CENPO: variants seen among roughly 807,000 people sequenced by gnomAD.
CENPO encodes the protein centromere protein O, also known as centromeric protein O.
A neutral mutation model predicts 36.1 loss-of-function variants in CENPO; 30 were observed. The ratio of observed to expected loss-of-function variants is 0.83; its 90% CI spans 0.62 to 1.13. The LOEUF is 1.13. Among genes scored for constraint, CENPO ranks in the 50% most tolerant of loss-of-function variants. The pLI, the probability that CENPO is intolerant of heterozygous loss-of-function variation, is 0.00. For missense variants in CENPO, 349 were observed against 357.8 expected, an observed-to-expected ratio of 0.98 and a Z score of 0.20; for synonymous variants, 171 against 142.3, an observed-to-expected ratio of 1.20 and a Z score of -1.44.
chr2:24,814,616 TCACTCA>T (rs1165312626), intron 4 of CENPO, 123 bp downstream of exon 4: 11 of 613,344 alleles, frequency 1.8e-5, no homozygotes, highest in Non-Finnish European at 3.2e-5. Flanking sequence ...TCTGCCCTCA[TCACTCA>T]CACACACACA....
At chr2:24,807,919 C>A (rs1035504026) in intron 3 of CENPO, among the ~76,000 whole-genome samples, 3 of 152,206 alleles carry the variant, frequency 2.0e-5, no homozygotes, top group Non-Finnish European at 4.4e-5. Context: ...TGAAAATCTT[C>A]TGTTGCAAAG....
At chr2:24,804,080 G>A (rs1209265019) in intron 3 of CENPO, among the ~76,000 whole-genome samples, 1 of 152,198 alleles carries the variant, frequency 6.6e-6, no homozygotes, top group Non-Finnish European at 1.5e-5. Flanking sequence ...TTACCATTAT[G>A]TAATGGTCTT....
intron 3 of CENPO, among the ~76,000 whole-genome samples, chr2:24,809,263 A>G (rs983866638): frequency 1.3e-5 from 2 of 152,144 alleles, no homozygotes; most frequent in Non-Finnish European, 1.5e-5. Flanking sequence ...GGTGTGTTTT[A>G]TCACTTTTGT....
Position 24,815,732 on chromosome 2 carries a change from G to T in CENPO, c.570G>T (p.Arg190Ser), listed in dbSNP as rs1464985775. The change falls in exon 5 of 8, where the codon AGG (arginine) becomes AGT (serine). Residue 190 changes from arginine (R) to serine (S), a missense_variant. Coordinates refer to ENST00000380834, the MANE Select transcript of CENPO (RefSeq NM_001322101.2). The part of the protein sequence containing the change: ...LCEYLNAYSG[R>S]KYQADRLQSD... ...AGTACCTGAATGCTTACTCTGGGAG[G>T]AAGTACCAGGCAGACCGGCTTCAGG... 1 of 1,614,030 alleles carries T rather than the reference G, an allele frequency of 6.2e-7. No homozygotes were observed. The highest frequency in any genetic ancestry group is 8.5e-7 in the Non-Finnish European group (1 of 1,180,018).
rs146852984 is a variant in CENPO at position 24,801,986 on chromosome 2, G to A, written c.216+2142G>A. Among the ~76,000 whole-genome samples the A allele has an allele frequency of 2.6e-4, 40 of 152,232 alleles. 1 individual carries two copies. In the East Asian group the frequency reaches 3.7e-3, roughly 14 times the overall value. ...ATGGAATGTTCTCCCATTTGTTTGT[G>A]TCCTCTTTTATTTCGTTGATTAGTG... On this transcript the variant is annotated intron_variant, in intron 3 of 7. Coordinates refer to ENST00000380834, the MANE Select transcript of CENPO (RefSeq NM_001322101.2).
chr2:24,801,290 T>G (rs1472265369), intron 3 of CENPO, among the ~76,000 whole-genome samples: 1 of 152,254 alleles, frequency 6.6e-6, no homozygotes, highest in Non-Finnish European at 1.5e-5. Flanking sequence ...CTGTTCACTC[T>G]GATGGTAGTT....
In CENPO at chr2:24,805,972, C is replaced by T. The variant is rs548406387; in HGVS notation, c.216+6128C>T. 2.0e-5 allele frequency among the ~76,000 whole-genome samples: 3 copies of T among 152,344 alleles called. No individual in the cohort carries two copies. In the South Asian group the frequency reaches 6.2e-4, roughly 32 times the overall value. ...CTCCTTGAGCTGCAGTGGGCTCCACCCAGTTCGAGCTTCCAGGCTGCTTTG... is the reference window on the plus strand; with the variant it reads ...CTCCTTGAGCTGCAGTGGGCTCCACTCAGTTCGAGCTTCCAGGCTGCTTTG... On this transcript the variant is annotated intron_variant, in intron 3 of 7. Transcript: ENST00000380834.
rs1667568238 is a variant in CENPO at position 24,820,972 on chromosome 2, A to C, written c.*1654A>C. ...ATGTAACACATCATTGTCCTCATTC[A>C]ACTTGGCTGTATGCTATTGGAGGGT... is the stretch of plus-strand genomic sequence containing the variant. On this transcript the variant is annotated 3_prime_UTR_variant, in exon 8 of 8. Coordinates refer to ENST00000380834, the MANE Select transcript of CENPO (RefSeq NM_001322101.2). The C allele has an allele frequency of 1.4e-6, 2 of 1,398,840 alleles. No individual in the cohort carries two copies. Among genetic ancestry groups the C allele is most frequent in the Non-Finnish European group, 1.9e-6 (2 of 1,026,480 alleles). The allele number at this position is 1,398,840 out of a possible 1,614,324, so 86.7% of individuals were successfully genotyped here.
chr2:24,799,641 G>A (rs1400673738), intron 2 of CENPO, 34 bp from the exon 3 acceptor site: 1 of 1,550,006 alleles, frequency 6.5e-7, no homozygotes, highest in Non-Finnish European at 8.8e-7. Context: ...GAAATCCTCA[G>A]CTTCTTGTAA....
At chr2:24,800,295 G>A (rs1241548626) in intron 3 of CENPO, among the ~76,000 whole-genome samples, 4 of 152,082 alleles carry the variant, frequency 2.6e-5, no homozygotes, top group Non-Finnish European at 5.9e-5. Context: ...ACAAAAATCC[G>A]GTAGAGTTAC....
Position 24,816,760 on chromosome 2 carries a change from T to C in CENPO, c.709T>C (p.Leu237=). The change falls in exon 6 of 8, where the codon TTG becomes CTG. Residue 237 remains leucine, a synonymous_variant. Transcript: ENST00000380834. ...TCAGTCCTTCCCGTTCTGTGCTAGA[T>C]TGCTGTATAAGGACCTCACAGCAAC... ...GGQSFPFCAR[L]LYKDLTATLP... is the part of the protein sequence containing the mutation. 6.2e-7 allele frequency: 1 copy of C among 1,612,152 alleles called. No homozygotes were observed. Among genetic ancestry groups the C allele is most frequent in the Non-Finnish European group, 8.5e-7 (1 of 1,179,262 alleles).
Position 24,816,785 on chromosome 2 carries a change from C to T in CENPO, c.734C>T (p.Thr245Ile). ...ARLLYKDLTA[T>I]LPTDVTVTCQ... ...TTGCTGTATAAGGACCTCACAGCAA[C>T]TCTTCCCACTGACGTCACCGTGACA... The change falls in exon 6 of 8, where the codon ACT (threonine) becomes ATT (isoleucine). Residue 245 changes from threonine to isoleucine, a missense_variant. Physicochemically the swap from Thr to Ile is moderately conservative, Grantham distance 89. Transcript: ENST00000380834. 6.2e-7 allele frequency: 1 copy of T among 1,606,496 alleles called. No individual in the cohort carries two copies. The highest frequency in any genetic ancestry group is 8.5e-7 in the Non-Finnish European group (1 of 1,176,728).
chr2:24,820,030 C>CCCCCTT lies in CENPO; in HGVS notation c.*720_*725dup. 6.2e-7 allele frequency: 1 copy of CCCCCTT among 1,609,304 alleles called. No individual in the cohort carries two copies. The highest frequency in any genetic ancestry group is 1.7e-5 in the Admixed American group (1 of 59,098). On this transcript the variant is annotated 3_prime_UTR_variant, in exon 8 of 8. Coordinates refer to ENST00000380834, the MANE Select transcript of CENPO (RefSeq NM_001322101.2). The stretch of plus-strand genomic sequence containing the variant: ...CCCTTCAAGAAGAAGGTCAGCAGCT[C>CCCCCTT]CCCCTTCCCCTTCACAAAGATGGGG...
intron 2 of CENPO, 51 bp from the exon 3 acceptor site, chr2:24,799,622 CCA>C: frequency 6.9e-7 from 1 of 1,452,354 alleles, no homozygotes; most frequent in South Asian, 1.3e-5. Context: ...CTTCCTGTTG[CCA>C]CAGTGAGAAA....
At chr2:24,808,134 T>C (rs1445193501) in intron 3 of CENPO, among the ~76,000 whole-genome samples, 1 of 152,250 alleles carries the variant, frequency 6.6e-6, no homozygotes. Context: ...AATTAAACTT[T>C]ATTCTTATTG....
At chr2:24,813,564 T>C (rs778527941) in intron 3 of CENPO, among the ~76,000 whole-genome samples, 2 of 152,108 alleles carry the variant, frequency 1.3e-5, no homozygotes, top group Non-Finnish European at 2.9e-5. Flanking sequence ...GGTTTCTCAG[T>C]CCCCAGTCAC....
intron 3 of CENPO, among the ~76,000 whole-genome samples, chr2:24,812,231 A>G (rs1020563779): frequency 3.3e-5 from 5 of 152,126 alleles, no homozygotes; most frequent in Admixed American, 1.3e-4. Context: ...ACTTTATATC[A>G]TTCTGTTGTC....
chr2:24,815,799 A>G, intron 5 of CENPO, 43 bp downstream of exon 5: 1 of 1,592,948 alleles, frequency 6.3e-7, no homozygotes. Flanking sequence ...TGGGCCCAAG[A>G]TCAACTTAAA....
chr2:24,820,714 C>T lies in CENPO; in HGVS notation c.*1396C>T. ...GTCTGAGCACGTGCCAGCTGTGCCA[C>T]TGGACATACCTGAATGTTGCCCATG... On this transcript the variant is annotated 3_prime_UTR_variant, in exon 8 of 8. Transcript: ENST00000380834. 1 of 1,613,928 alleles carries T rather than the reference C, an allele frequency of 6.2e-7. No homozygotes were observed. The highest frequency in any genetic ancestry group is 1.7e-5 in the Admixed American group (1 of 60,008).
Sources: allele counts gnomAD v4.1 joint callset (sites outside exome capture counted in the v4.1 genomes callset), GRCh38; gene constraint gnomAD v4.1.1; transcripts MANE v1.5; gene names NCBI Gene and HGNC (gene_info 2026-07-23, HGNC 2026-07-21).